FAT3: variants seen among roughly 807,000 people sequenced by gnomAD.
FAT3 encodes the protein protocadherin Fat 3.
In FAT3, 95 loss-of-function variants were observed where a neutral mutation model predicts 310.2. The ratio of observed to expected loss-of-function variants is 0.31; its 90% CI spans 0.26 to 0.36. FAT3 has a LOEUF of 0.36. FAT3 is among the 10% of genes least tolerant of loss of function. FAT3 has a pLI of 1.00. For synonymous variants in FAT3, 2,314 were observed against 2,192.9 expected, an observed-to-expected ratio of 1.06 and a Z score of -1.54; for missense variants, 5,408 against 5,715.6, an observed-to-expected ratio of 0.95 and a Z score of 1.74.
chr11:92,533,617 G>A (rs1055421877), intron 3 of FAT3, among the ~76,000 whole-genome samples: 2 of 152,182 alleles, frequency 1.3e-5, no homozygotes, highest in African/African-American at 2.4e-5. Flanking sequence ...GGAATCAGCA[G>A]TCATGAACTA....
intron 3 of FAT3, among the ~76,000 whole-genome samples, chr11:92,592,082 C>T (rs1054580125): frequency 2.0e-5 from 3 of 151,796 alleles, no homozygotes; most frequent in African/African-American, 4.8e-5. Context: ...GTTAATAAAA[C>T]GAGAAACGAT....
At chr11:92,581,889 G>T (rs958581079) in intron 3 of FAT3, among the ~76,000 whole-genome samples, 1 of 152,164 alleles carries the variant, frequency 6.6e-6, no homozygotes, top group Admixed American at 6.6e-5. Context: ...GCACAAGAAA[G>T]AATTTAGGGT....
intron 1 of FAT3, among the ~76,000 whole-genome samples, chr11:92,285,306 A>G (rs1046042344): frequency 2.0e-5 from 3 of 152,144 alleles, no homozygotes; most frequent in African/African-American, 7.2e-5. Context: ...ATACAATTGC[A>G]TGTACATCTG....
At chr11:92,416,844 A>G (rs1950427648) in intron 2 of FAT3, among the ~76,000 whole-genome samples, 1 of 152,208 alleles carries the variant, frequency 6.6e-6, no homozygotes. Flanking sequence ...TTACAGATGC[A>G]GATCTGTCCA....
chr11:92,348,890 G>T (rs1207850694), intron 1 of FAT3, among the ~76,000 whole-genome samples: 1 of 152,248 alleles, frequency 6.6e-6, no homozygotes, highest in South Asian at 2.1e-4. Flanking sequence ...TGGGCCTCTG[G>T]TTACATTAGT....
At chr11:92,571,641 G>A (rs938797292) in intron 3 of FAT3, among the ~76,000 whole-genome samples, 4 of 152,142 alleles carry the variant, frequency 2.6e-5, no homozygotes, top group African/African-American at 7.2e-5. Flanking sequence ...ACTCACTTAC[G>A]TGTCTTTTGC....
intron 1 of FAT3, among the ~76,000 whole-genome samples, chr11:92,264,093 C>T (rs936178991): frequency 1.5e-4 from 23 of 152,230 alleles, no homozygotes; most frequent in Non-Finnish European, 2.1e-4. Flanking sequence ...CGTCTCACAT[C>T]GACTCTATCT....
In FAT3 at chr11:92,419,246, ATGTT is replaced by A. The variant is rs542271112; in HGVS notation, c.3292+63846_3292+63849del. On this transcript the variant is annotated intron_variant, in intron 2 of 27. Transcript: ENST00000525166. ...ATAAAACAGCTTTCTTAAAAGCTGA[ATGTT>A]TGTGTTGCTATTAACTTTTAATGTT... Among the ~76,000 whole-genome samples the A allele has an allele frequency of 5.9e-5, 9 of 152,300 alleles. No homozygotes were observed. In the South Asian group the frequency reaches 1.2e-3, roughly 21 times the overall value.
intron 16 of FAT3, 38 bp downstream of exon 16, chr11:92,836,741 C>T (rs778642155): frequency 6.3e-7 from 1 of 1,593,334 alleles, no homozygotes; most frequent in Non-Finnish European, 8.6e-7. Flanking sequence ...CCATCCACAT[C>T]CACCACTTTC....
At chr11:92,873,749 G>A (rs1949451482) in intron 22 of FAT3, among the ~76,000 whole-genome samples, 1 of 152,204 alleles carries the variant, frequency 6.6e-6, no homozygotes, top group African/African-American at 2.4e-5. Flanking sequence ...GCTATAACTA[G>A]AAGGATTGTA....
At chr11:92,549,415 C>T (rs981837564) in intron 3 of FAT3, among the ~76,000 whole-genome samples, 3 of 152,200 alleles carry the variant, frequency 2.0e-5, no homozygotes, top group African/African-American at 7.2e-5. Flanking sequence ...TTTTCACTTA[C>T]CACCATTTTC....
At chr11:92,281,830 C>T (rs1047136347) in intron 1 of FAT3, among the ~76,000 whole-genome samples, 1 of 152,124 alleles carries the variant, frequency 6.6e-6, no homozygotes, top group Non-Finnish European at 1.5e-5. Flanking sequence ...TTCCTAGTAG[C>T]TTAAACTAGA....
intron 1 of FAT3, among the ~76,000 whole-genome samples, chr11:92,350,895 A>C (rs1948546247): frequency 1.3e-5 from 2 of 152,184 alleles, no homozygotes; most frequent in South Asian, 4.1e-4. Context: ...TGCAGAGTAT[A>C]AGACTGGATG....
At chr11:92,725,429 C>T (rs1944970157) in intron 4 of FAT3, among the ~76,000 whole-genome samples, 1 of 152,166 alleles carries the variant, frequency 6.6e-6, no homozygotes, top group Non-Finnish European at 1.5e-5. Context: ...CTCCCAACTA[C>T]CTCATCAAAG....
rs67529435 is a variant in FAT3 at position 92,387,063 on chromosome 11, A to AGTGTGT, written c.3292+31702_3292+31707dup. Among the ~76,000 whole-genome samples, 1,051 of 144,224 alleles carry AGTGTGT rather than the reference A, an allele frequency of 7.3e-3. 10 individuals are homozygous for AGTGTGT. Among genetic ancestry groups the AGTGTGT allele is most frequent in the African/African-American group, 0.019 (716 of 37,880 alleles). The allele number at this position is 144,224 out of a possible 152,430, so 94.6% of individuals were successfully genotyped here. A position where few individuals can be genotyped will look rare whatever the true frequency, so the allele number is the denominator to read the frequency against. ...GCAATGCCCAAGGATTATGGGAGCT[A>AGTGTGT]GTGTGTGTGTGTGTGTGTGTGTGTG... On this transcript the variant is annotated intron_variant, in intron 2 of 27. Transcript: ENST00000525166.
intron 2 of FAT3, among the ~76,000 whole-genome samples, chr11:92,517,128 C>A (rs1019317313): frequency 1.3e-5 from 2 of 152,122 alleles, no homozygotes; most frequent in Non-Finnish European, 2.9e-5. Flanking sequence ...TTGGAAAAAA[C>A]TACTTTAAAT....
chr11:92,765,125 G>T (rs1311710855), intron 6 of FAT3, 36 bp downstream of exon 6: 25 of 1,342,748 alleles, frequency 1.9e-5, no homozygotes, highest in Non-Finnish European at 2.3e-5. Context: ...ATCATGCAAT[G>T]TAATAATTGA....
intron 3 of FAT3, among the ~76,000 whole-genome samples, chr11:92,535,560 G>A (rs966815977): frequency 2.0e-5 from 3 of 152,174 alleles, no homozygotes; most frequent in Non-Finnish European, 4.4e-5. Flanking sequence ...GACTCCTAGT[G>A]CAGTACTCTT....
chr11:92,566,091 G>A (rs910234333), intron 3 of FAT3, among the ~76,000 whole-genome samples: 34 of 152,162 alleles, frequency 2.2e-4, no homozygotes, highest in East Asian at 5.8e-4. Flanking sequence ...AGAGGAAGTC[G>A]AATTGTCCCT....
Sources: allele counts gnomAD v4.1 joint callset (sites outside exome capture counted in the v4.1 genomes callset), GRCh38; gene constraint gnomAD v4.1.1; transcripts MANE v1.5; gene names NCBI Gene and HGNC (gene_info 2026-07-23, HGNC 2026-07-21).